The following ARHGEF28 variants were observed in gnomAD, a reference collection of about 807,000 sequenced individuals.
ARHGEF28 encodes the protein Rho guanine nucleotide exchange factor 28.
ARHGEF28 carries 152 observed loss-of-function variants against 206.6 expected under a neutral mutation model. The ratio of observed to expected loss-of-function variants is 0.74; its 90% CI spans 0.64 to 0.84. ARHGEF28 has a LOEUF of 0.84. Ranked by LOEUF, ARHGEF28 falls within the 40% of genes least tolerant of loss-of-function variation. The pLI, the probability that ARHGEF28 is intolerant of heterozygous loss-of-function variation, is 0.00. For missense variants in ARHGEF28, 2,028 were observed against 2,073.2 expected, an observed-to-expected ratio of 0.98 and a Z score of 0.42; for synonymous variants, 763 against 776.4, an observed-to-expected ratio of 0.98 and a Z score of 0.29.
intron 28 of ARHGEF28, among the ~76,000 whole-genome samples, chr5:73,893,925 C>T (rs1761802288): frequency 6.6e-6 from 1 of 152,094 alleles, no homozygotes; most frequent in Non-Finnish European, 1.5e-5. Flanking sequence ...AATCTGAGGA[C>T]AATGATGCAT....
chr5:73,806,844 A>G (rs1008389139), intron 9 of ARHGEF28, among the ~76,000 whole-genome samples: 1 of 147,014 alleles, frequency 6.8e-6, no homozygotes, highest in Non-Finnish European at 1.5e-5. Context: ...TATATGGTAT[A>G]TATCGATATA....
intron 2 of ARHGEF28, among the ~76,000 whole-genome samples, chr5:73,724,056 G>A (rs1417388550): frequency 6.6e-6 from 1 of 152,222 alleles, no homozygotes; most frequent in South Asian, 2.1e-4. Flanking sequence ...GGGCATCCCA[G>A]GCAGGCCTGA....
intron 2 of ARHGEF28, among the ~76,000 whole-genome samples, chr5:73,725,555 A>C (rs1216622813): frequency 1.3e-5 from 2 of 152,250 alleles, no homozygotes; most frequent in African/African-American, 4.8e-5. Flanking sequence ...AATCTTCTTA[A>C]GTGAAATTAA....
intron 9 of ARHGEF28, among the ~76,000 whole-genome samples, chr5:73,806,976 CAGTT>C (rs1183555698): frequency 6.8e-6 from 1 of 147,188 alleles, no homozygotes; most frequent in Non-Finnish European, 1.5e-5. Context: ...AAAATATAGT[CAGTT>C]AAACTTTGCA....
rs1409994862 is a variant in ARHGEF28 at position 73,868,004 on chromosome 5, G to A, written c.2281G>A (p.Gly761Ser). The A allele has an allele frequency of 1.2e-5, 20 of 1,613,836 alleles. No individual in the cohort carries two copies. The highest frequency in any genetic ancestry group is 1.7e-5 in the Non-Finnish European group (20 of 1,179,890). The change falls in exon 19 of 36, where the codon GGC becomes AGC. Residue 761 changes from glycine (G) to serine (S), a missense_variant. By Grantham distance (56) the Gly-to-Ser change is moderately conservative. Around this residue, in one of 3 missense-constraint regions of ARHGEF28, gnomAD observed 1,002 missense variants for 1,015.3 expected, o/e 0.99. Transcript: ENST00000513042. ...QVHPLSRSVP[G>S]TTLESFRRSA... ...CCATCCATTGTCCAGAAGTGTTCCA[G>A]GCACCACCTTGGAAAGGTAAGGCTG...
intron 2 of ARHGEF28, among the ~76,000 whole-genome samples, chr5:73,725,277 C>T (rs1275229906): frequency 6.6e-6 from 1 of 152,176 alleles, no homozygotes; most frequent in African/African-American, 2.4e-5. Flanking sequence ...TACAGAGGAA[C>T]TTAGAATCTT....
Position 73,904,060 on chromosome 5 carries a change from A to G in ARHGEF28, c.4075-162A>G, listed in dbSNP as rs940546036. ...TGTTGTCAAGTGTTTGTTTGATTCTATAGGCTTTTATTTCTGGGAGGAAAC... is the reference window on the plus strand; with the variant it reads ...TGTTGTCAAGTGTTTGTTTGATTCTGTAGGCTTTTATTTCTGGGAGGAAAC... On this transcript the variant is annotated intron_variant, in intron 31 of 35. Coordinates refer to ENST00000513042, the MANE Select transcript of ARHGEF28 (RefSeq NM_001177693.2). The G allele has an allele frequency of 9.0e-5, 60 of 669,902 alleles. No homozygotes were observed. The African/African-American group carries it at 9.0e-4, about 10-fold the overall frequency. The allele number at this position is 669,902 out of a possible 1,614,324, so 41.5% of individuals were successfully genotyped here.
chr5:73,804,781 A>T (rs972537386), intron 9 of ARHGEF28, among the ~76,000 whole-genome samples: 1 of 152,122 alleles, frequency 6.6e-6, no homozygotes. Context: ...TCATCACACC[A>T]TATAAAAGGT....
chr5:73,832,561 C>T, intron 10 of ARHGEF28, 102 bp downstream of exon 10: 1 of 1,449,638 alleles, frequency 6.9e-7, no homozygotes, highest in Non-Finnish European at 9.3e-7. Flanking sequence ...ACAATTTTAG[C>T]CTAAGAGCAG....
intron 1 of ARHGEF28, among the ~76,000 whole-genome samples, chr5:73,648,289 C>T (rs753546137): frequency 4.7e-4 from 72 of 152,186 alleles, no homozygotes; most frequent in Non-Finnish European, 8.7e-4. Flanking sequence ...CCATATTTTC[C>T]ATGAAATATT....
intron 1 of ARHGEF28, among the ~76,000 whole-genome samples, chr5:73,664,304 G>A (rs1215297015): frequency 1.3e-5 from 2 of 152,132 alleles, no homozygotes; most frequent in Non-Finnish European, 2.9e-5. Flanking sequence ...TCTATTTATT[G>A]AAACTGTCTC....
chr5:73,669,503 A>G (rs1414474980), intron 1 of ARHGEF28, among the ~76,000 whole-genome samples: 1 of 152,108 alleles, frequency 6.6e-6, no homozygotes, highest in African/African-American at 2.4e-5. Context: ...ATAACAACCA[A>G]TCTAGACATT....
At chr5:73,657,198 T>C (rs1057044173) in intron 1 of ARHGEF28, among the ~76,000 whole-genome samples, 1 of 146,812 alleles carries the variant, frequency 6.8e-6, no homozygotes, top group Non-Finnish European at 1.5e-5. Flanking sequence ...AAAAAAAGAA[T>C]GTTGGACTCT....
chr5:73,920,328 A>G (rs1308138368), intron 35 of ARHGEF28, among the ~76,000 whole-genome samples: 3 of 152,206 alleles, frequency 2.0e-5, no homozygotes, highest in African/African-American at 7.2e-5. Flanking sequence ...TTAAAAAATT[A>G]CAAACTTTTC....
At chr5:73,880,355 G>T (rs545371288) in intron 22 of ARHGEF28, among the ~76,000 whole-genome samples, 1 of 152,172 alleles carries the variant, frequency 6.6e-6, no homozygotes, top group Non-Finnish European at 1.5e-5. Context: ...CCAGGAAAGG[G>T]AACTCCCTGA....
At chr5:73,748,876 T>C (rs957113455) in intron 2 of ARHGEF28, among the ~76,000 whole-genome samples, 1 of 152,208 alleles carries the variant, frequency 6.6e-6, no homozygotes, top group Non-Finnish European at 1.5e-5. Flanking sequence ...TCAAAGCCTC[T>C]GGGGTCTGGA....
At chr5:73,750,078 G>A in intron 3 of ARHGEF28, 94 bp downstream of exon 3, 1 of 1,478,842 alleles carries the variant, frequency 6.8e-7, no homozygotes, top group South Asian at 1.3e-5. Flanking sequence ...GGAAGAAAAA[G>A]AAAACAGTGC....
At chr5:73,807,876 T>G (rs1755605767) in intron 9 of ARHGEF28, among the ~76,000 whole-genome samples, 1 of 151,732 alleles carries the variant, frequency 6.6e-6, no homozygotes, top group Admixed American at 6.6e-5. Context: ...TAGATTATAA[T>G]TATTACTATT....
At chr5:73,914,556 C>G (rs1446154428) in intron 35 of ARHGEF28, among the ~76,000 whole-genome samples, 1 of 151,522 alleles carries the variant, frequency 6.6e-6, no homozygotes, top group African/African-American at 2.4e-5. Context: ...GCCATCACAC[C>G]TGGCTGATTT....
Sources: allele counts gnomAD v4.1 joint callset (sites outside exome capture counted in the v4.1 genomes callset), GRCh38; gene constraint gnomAD v4.1.1; regional missense constraint gnomAD v4.1.1; transcripts MANE v1.5; gene names NCBI Gene and HGNC (gene_info 2026-07-23, HGNC 2026-07-21).